The following PPTC7 variants were observed in gnomAD, a reference collection of about 807,000 sequenced individuals.
The protein encoded by PPTC7 is protein phosphatase PTC7 homolog.
Under a neutral mutation model 30.8 loss-of-function variants are expected in PPTC7, and 6 were observed. The observed-to-expected ratio is 0.19, with a 90% CI of 0.11 to 0.38. The LOEUF (loss-of-function observed/expected upper bound fraction) is 0.38. Among genes scored for constraint, PPTC7 ranks in the 10% least tolerant of loss-of-function variants. The pLI is 1.00. For missense variants in PPTC7, 218 were observed against 404.8 expected, an observed-to-expected ratio of 0.54 and a Z score of 3.96; for synonymous variants, 163 against 168.1, an observed-to-expected ratio of 0.97 and a Z score of 0.23.
chr12:110,554,966 A>T (rs1374788743), intron 1 of PPTC7, among the ~76,000 whole-genome samples: 2 of 152,192 alleles, frequency 1.3e-5, no homozygotes, highest in Non-Finnish European at 2.9e-5. Context: ...ATGATTTTTT[A>T]AAACAGGGAT....
intron 3 of PPTC7, 77 bp downstream of exon 3, chr12:110,545,803 T>C (rs1307134961): frequency 1.3e-5 from 17 of 1,296,926 alleles, no homozygotes; most frequent in Non-Finnish European, 1.7e-5. Flanking sequence ...CCTACCTCAC[T>C]GCACTCAAGG....
At chr12:110,540,754 T>G (rs1279688954) in intron 3 of PPTC7, among the ~76,000 whole-genome samples, 1 of 151,378 alleles carries the variant, frequency 6.6e-6, no homozygotes, top group Admixed American at 6.6e-5. Flanking sequence ...GGATGATGAA[T>G]ACCTGTGGAG....
chr12:110,573,219 T>C (rs2135793092), intron 1 of PPTC7, among the ~76,000 whole-genome samples: 1 of 152,296 alleles, frequency 6.6e-6, no homozygotes, highest in Middle Eastern at 3.4e-3. Flanking sequence ...CAAATGCTCA[T>C]AGGCTTTGAC....
chr12:110,548,413 C>G (rs527711596), intron 2 of PPTC7, among the ~76,000 whole-genome samples: 1 of 152,290 alleles, frequency 6.6e-6, no homozygotes, highest in Admixed American at 6.5e-5. Flanking sequence ...TGCGTTAGTA[C>G]TAACTCATAC....
chr12:110,576,153 A>T (rs2064587226), intron 1 of PPTC7, among the ~76,000 whole-genome samples: 1 of 152,066 alleles, frequency 6.6e-6, no homozygotes, highest in African/African-American at 2.4e-5. Context: ...TTAATATTCC[A>T]CAATTTTCTC....
rs1240337482 is a variant in PPTC7 at position 110,551,675 on chromosome 12, T to C, written c.403+114A>G. 1.1e-5 allele frequency: 11 copies of C among 964,450 alleles called. No individual in the cohort carries two copies. In the East Asian group the frequency reaches 1.2e-4, roughly 11 times the overall value. The allele number at this position is 964,450 out of a possible 1,614,324, so 59.7% of individuals were successfully genotyped here. A position where few individuals can be genotyped will look rare whatever the true frequency, so the allele number is the denominator to read the frequency against. The stretch of plus-strand genomic sequence containing the variant: ...AGCCTATAGTTTCTCTATCACACTC[T>C]GCTTAGTAGGAAGAGCCTCAGAAAA... On this transcript the variant is annotated intron_variant, in intron 2 of 5. Coordinates refer to ENST00000354300, the MANE Select transcript of PPTC7 (RefSeq NM_139283.2).
intron 3 of PPTC7, among the ~76,000 whole-genome samples, chr12:110,541,995 C>T (rs567330191): frequency 5.3e-5 from 8 of 151,116 alleles, no homozygotes; most frequent in Admixed American, 4.6e-4. Flanking sequence ...AAAATACAAA[C>T]GTTAGCCAAG....
At chr12:110,543,258 A>G (rs2064277709) in intron 3 of PPTC7, among the ~76,000 whole-genome samples, 1 of 152,240 alleles carries the variant, frequency 6.6e-6, no homozygotes, top group Admixed American at 6.5e-5. Context: ...TGACTGAGGA[A>G]AAAGGTGGCA....
intron 2 of PPTC7, among the ~76,000 whole-genome samples, chr12:110,548,997 C>T (rs1565919051): frequency 2.6e-5 from 4 of 152,110 alleles, no homozygotes; most frequent in Admixed American, 2.6e-4. Context: ...GTAAGAAAAG[C>T]GGTGCTGAGA....
chr12:110,543,537 C>G (rs1399398802), intron 3 of PPTC7, among the ~76,000 whole-genome samples: 1 of 152,058 alleles, frequency 6.6e-6, no homozygotes, highest in African/African-American at 2.4e-5. Flanking sequence ...ATCTGCTCAG[C>G]CTTTGAAAGC....
rs1018197718 is a variant in PPTC7 at position 110,558,056 on chromosome 12, A to G, written c.224-6088T>C. On this transcript the variant is annotated intron_variant, in intron 1 of 5. Transcript: ENST00000354300. ...CATCAGTGGGTAATTGAAACCTCAA[A>G]TAAGAGGGAACTACTGTTTCTGGAT... is the stretch of plus-strand genomic sequence containing the variant. Among the ~76,000 whole-genome samples the G allele has an allele frequency of 1.4e-4, 21 of 152,260 alleles. 1 individual carries two copies.
chr12:110,544,511 A>G (rs926206085), intron 3 of PPTC7, among the ~76,000 whole-genome samples: 1 of 152,238 alleles, frequency 6.6e-6, no homozygotes, highest in African/African-American at 2.4e-5. Context: ...CTCATCTAAG[A>G]AAAGATAAAC....
At chr12:110,554,379 G>C (rs917497319) in intron 1 of PPTC7, among the ~76,000 whole-genome samples, 5 of 151,984 alleles carry the variant, frequency 3.3e-5, no homozygotes, top group African/African-American at 1.2e-4. Flanking sequence ...GGATCTCACT[G>C]TATTGCCCAG....
intron 4 of PPTC7, 46 bp downstream of exon 4, chr12:110,539,776 C>T (rs778974556): frequency 1.3e-6 from 2 of 1,597,386 alleles, no homozygotes; most frequent in Middle Eastern, 3.4e-4. Context: ...ACTCAGCTAT[C>T]CAGAGAGGGC....
At chr12:110,554,096 G>A (rs1204628685) in intron 1 of PPTC7, among the ~76,000 whole-genome samples, 1 of 152,168 alleles carries the variant, frequency 6.6e-6, no homozygotes, top group East Asian at 1.9e-4. Flanking sequence ...CAAGTGATCT[G>A]CCCATCTCGG....
At chr12:110,551,627 G>T (rs774587639) in intron 2 of PPTC7, among the ~76,000 whole-genome samples, 162 bp downstream of exon 2, 1 of 152,186 alleles carries the variant, frequency 6.6e-6, no homozygotes, top group Non-Finnish European at 1.5e-5. Flanking sequence ...GATTACAGGC[G>T]TGAGCCACTG....
intron 1 of PPTC7, among the ~76,000 whole-genome samples, chr12:110,558,612 T>C (rs2064408967): frequency 6.6e-6 from 1 of 152,100 alleles, no homozygotes; most frequent in Non-Finnish European, 1.5e-5. Context: ...CACAGAAAAA[T>C]CCTTTAGTGT....
At position 110,534,719 on chromosome 12, in the gene PPTC7, C is replaced by T. The variant is rs1235011921; in HGVS notation, c.*2318G>A. Reference sequence around the variant, plus strand: ...ATTCCACTGTGAAACTCAATTCTTGCCCCCACTACTTTCAGTATCACTGGA... The same window carrying T: ...ATTCCACTGTGAAACTCAATTCTTGTCCCCACTACTTTCAGTATCACTGGA... On this transcript the variant is annotated 3_prime_UTR_variant, in exon 6 of 6. Transcript: ENST00000354300. 1 of 151,882 alleles carries T rather than the reference C, an allele frequency of 6.6e-6. No homozygotes were observed. The highest frequency in any genetic ancestry group is 1.5e-5 in the Non-Finnish European group (1 of 68,038). The allele number at this position is 151,882 out of a possible 1,614,324, so 9.4% of individuals were successfully genotyped here. A position where few individuals can be genotyped will look rare whatever the true frequency, so the allele number is the denominator to read the frequency against.
intron 1 of PPTC7, among the ~76,000 whole-genome samples, chr12:110,568,792 C>A (rs1410012267): frequency 1.3e-5 from 2 of 152,142 alleles, no homozygotes; most frequent in African/African-American, 2.4e-5. Flanking sequence ...TGGATCCTAG[C>A]GTTTCACAAG....
Sources: allele counts gnomAD v4.1 joint callset (sites outside exome capture counted in the v4.1 genomes callset), GRCh38; gene constraint gnomAD v4.1.1; transcripts MANE v1.5; gene names NCBI Gene and HGNC (gene_info 2026-07-23, HGNC 2026-07-21).